ATP10B: variants seen among roughly 807,000 people sequenced by gnomAD.
ATP10B encodes phospholipid-transporting ATPase VB.
Under a neutral mutation model 141.2 loss-of-function variants are expected in ATP10B, and 122 were observed. The ratio of observed to expected loss-of-function variants is 0.86; its 90% confidence interval spans 0.75 to 1.00. The LOEUF (loss-of-function observed/expected upper bound fraction) is 1.00, where lower values mean the gene tolerates loss of function less well. Among genes scored for constraint, ATP10B ranks in the 50% least tolerant of loss-of-function variants. The pLI, the probability that ATP10B is intolerant of heterozygous loss-of-function variation, is 0.00. For missense variants in ATP10B, 1,876 were observed against 1,825.3 expected (o/e 1.03, Z -0.51); for synonymous variants, 685 against 692.0 (o/e 0.99, Z 0.16).
chr5:160,622,370 C>A, intron 14 of ATP10B, 24 bp downstream of exon 14: 1 of 1,592,484 alleles, frequency 6.3e-7, no homozygotes, highest in South Asian at 1.1e-5. Flanking sequence ...TTACCCTCCT[C>A]CCCCAGCCAT....
At chr5:160,890,393 T>C in the ATP10B span, among the ~76,000 whole-genome samples, 1 of 152,194 alleles carries the variant, frequency 6.6e-6, no homozygotes, top group African/African-American at 2.4e-5. Context: ...GATCTAGTTT[T>C]AGCATTTTTA....
intron 24 of ATP10B, 119 bp downstream of exon 24, chr5:160,589,473 G>C: frequency 1.3e-6 from 1 of 770,550 alleles, no homozygotes; most frequent in Non-Finnish European, 2.3e-6. Context: ...CATAGGGTAG[G>C]AGCTTAGTAT....
At chr5:160,599,219 G>T (rs1443896971) in intron 21 of ATP10B, among the ~76,000 whole-genome samples, 2 of 152,218 alleles carry the variant, frequency 1.3e-5, no homozygotes, top group Non-Finnish European at 2.9e-5. Context: ...GGAGTGGACA[G>T]TAAGTCTTCA....
intron 7 of ATP10B, among the ~76,000 whole-genome samples, chr5:160,654,879 T>A (rs148984610): frequency 6.6e-6 from 1 of 152,170 alleles, no homozygotes; most frequent in Non-Finnish European, 1.5e-5. Flanking sequence ...ATTTCAGAGA[T>A]AAAGGAATTG....
At position 160,634,138 on chromosome 5, in the gene ATP10B, A is replaced by G. The variant is rs747787267; in HGVS notation, c.1381+216T>C. 2.0e-5 allele frequency: 15 copies of G among 741,802 alleles called. No homozygotes were observed. The Admixed American group carries it at 2.8e-4, about 14-fold the overall frequency. 46.0% of individuals were successfully genotyped at this position (741,802 alleles called of 1,614,324 possible). A position where few individuals can be genotyped will look rare whatever the true frequency, so the allele number is the denominator to read the frequency against. On this transcript the variant is annotated intron_variant, in intron 12 of 25. Coordinates refer to ENST00000327245, the MANE Select transcript of ATP10B (RefSeq NM_025153.3). ...CAGCTGAAGGGGAACCACATATGGG[A>G]TAACTTCTAACCTTTGTAAACAAAT...
At chr5:160,610,823 C>G (rs1757681399) in intron 18 of ATP10B, among the ~76,000 whole-genome samples, 1 of 152,146 alleles carries the variant, frequency 6.6e-6, no homozygotes, top group South Asian at 2.1e-4. Flanking sequence ...AATTCCTTGA[C>G]TGATGAACAC....
chr5:160,584,909 T>G (rs920786014), intron 24 of ATP10B, among the ~76,000 whole-genome samples: 1 of 152,236 alleles, frequency 6.6e-6, no homozygotes, highest in East Asian at 1.9e-4. Flanking sequence ...TGGCTTTTAT[T>G]GTTTGGTCAC....
intron 2 of ATP10B, among the ~76,000 whole-genome samples, chr5:160,773,336 C>T (rs1488014274): frequency 6.6e-6 from 1 of 152,092 alleles, no homozygotes; most frequent in Non-Finnish European, 1.5e-5. Flanking sequence ...TACATGATGC[C>T]GAGAGCCTGA....
chr5:160,669,590 CTG>C (rs1194602325), intron 7 of ATP10B, among the ~76,000 whole-genome samples: 1 of 148,680 alleles, frequency 6.7e-6, no homozygotes, highest in African/African-American at 2.5e-5. Context: ...GGGTGACAGA[CTG>C]AGAGCCAGTC....
rs755238165 is a variant in ATP10B, at chr5:160,636,277, G to C, written c.1033C>G (p.His345Asp). 6.2e-7 allele frequency: 1 copy of C among 1,613,442 alleles called. No homozygotes were observed. Among genetic ancestry groups the C allele is most frequent in the East Asian group, 2.2e-5 (1 of 44,818 alleles). The change falls in exon 11 of 26, where the codon CAC becomes GAC. Residue 345 changes from histidine (H) to aspartate (D), a missense_variant. Physicochemically the swap from His to Asp is moderately conservative, Grantham distance 81. Coordinates refer to ENST00000327245, the MANE Select transcript of ATP10B (RefSeq NM_025153.3). ...GCATCTGGCACATCGAAGGGAGGGTGTTCTTCAAAGGTCCCATTCCAGATG... is the reference window on the plus strand; with the variant it reads ...GCATCTGGCACATCGAAGGGAGGGTCTTCTTCAAAGGTCCCATTCCAGATG... The part of the protein sequence containing the change: ...HSIWNGTFEE[H>D]PPFDVPDANG...
intron 3 of ATP10B, 44 bp from the exon 4 acceptor site, chr5:160,688,987 C>A (rs950437043): frequency 2.5e-4 from 238 of 965,798 alleles, no homozygotes; most frequent in Non-Finnish European, 2.8e-4. Flanking sequence ...GCCCAGGTGG[C>A]AAAGAAATGC....
At chr5:160,760,646 A>G (rs1005593117) in intron 2 of ATP10B, among the ~76,000 whole-genome samples, 4 of 152,232 alleles carry the variant, frequency 2.6e-5, no homozygotes, top group Middle Eastern at 3.2e-3. Context: ...CCTGCTTGCC[A>G]GCTGCTTGGA....
At chr5:160,723,338 A>G (rs998060048) in intron 2 of ATP10B, among the ~76,000 whole-genome samples, 1 of 152,240 alleles carries the variant, frequency 6.6e-6, no homozygotes, top group African/African-American at 2.4e-5. Context: ...AAGAAAAAAT[A>G]AACAAGATCA....
intron 24 of ATP10B, among the ~76,000 whole-genome samples, chr5:160,571,367 T>C (rs1333936972): frequency 2.6e-5 from 4 of 152,200 alleles, no homozygotes; most frequent in Non-Finnish European, 5.9e-5. Context: ...GTTATTGTAG[T>C]CTTTATTTCT....
the ATP10B span, among the ~76,000 whole-genome samples, chr5:160,907,258 G>T: frequency 6.6e-6 from 1 of 150,850 alleles, no homozygotes; most frequent in African/African-American, 2.4e-5. Flanking sequence ...GCCTGTTTCT[G>T]TTGCCTGTAG....
At chr5:160,817,755 A>C (rs1365398936) in intron 1 of ATP10B, among the ~76,000 whole-genome samples, 1 of 152,230 alleles carries the variant, frequency 6.6e-6, no homozygotes, top group Non-Finnish European at 1.5e-5. Context: ...ACTATACTGC[A>C]AGGCTACATT....
chr5:160,829,339 T>C (rs980147108), intron 1 of ATP10B, among the ~76,000 whole-genome samples: 38 of 152,184 alleles, frequency 2.5e-4, no homozygotes, highest in Non-Finnish European at 5.3e-4. Flanking sequence ...GCCAGTACCA[T>C]GCTGTTTTGG....
the ATP10B span, among the ~76,000 whole-genome samples, chr5:160,884,214 A>G: frequency 6.6e-6 from 1 of 152,190 alleles, no homozygotes; most frequent in African/African-American, 2.4e-5. Flanking sequence ...TTTGTGAATT[A>G]CAAAGGGAGT....
At chr5:160,581,563 T>A (rs1209043723) in intron 24 of ATP10B, among the ~76,000 whole-genome samples, 1 of 152,226 alleles carries the variant, frequency 6.6e-6, no homozygotes, top group Non-Finnish European at 1.5e-5. Flanking sequence ...AGTGTTTTAC[T>A]TCCAATTATG....
Sources: gnomAD v4.1 joint callset for allele counts (sites outside exome capture counted in the v4.1 genomes callset) on GRCh38, gnomAD v4.1.1 for gene constraint, MANE v1.5 for transcripts, NCBI Gene and HGNC (gene_info 2026-07-23, HGNC 2026-07-21) for gene names.